CMIP: variants seen among roughly 807,000 people sequenced by gnomAD.
CMIP encodes the protein C-Maf-inducing protein.
Under a neutral mutation model 97.3 loss-of-function variants are expected in CMIP, and 13 were observed. The observed-to-expected ratio is 0.13, with a 90% CI of 0.09 to 0.21. The LOEUF is 0.21. Ranked by LOEUF, CMIP falls within the 10% of genes least tolerant of loss-of-function variation. CMIP has a pLI of 1.00. For missense variants in CMIP, 847 were observed against 1,024.9 expected, an observed-to-expected ratio of 0.83 and a Z score of 2.37; for synonymous variants, 538 against 436.3, an observed-to-expected ratio of 1.23 and a Z score of -2.91.
chr16:81,682,682 G>A (rs893631948), intron 10 of CMIP, among the ~76,000 whole-genome samples: 1 of 152,248 alleles, frequency 6.6e-6, no homozygotes, highest in Non-Finnish European at 1.5e-5. Context: ...AGAGGGCAGT[G>A]CAGGTCGCAG....
chr16:81,545,226 A>G (rs933238963), intron 1 of CMIP, among the ~76,000 whole-genome samples: 3 of 152,104 alleles, frequency 2.0e-5, no homozygotes, highest in East Asian at 3.9e-4. Flanking sequence ...CAGGCTGACC[A>G]CAGGTACTGT....
chr16:81,699,804 A>G lies in CMIP; in HGVS notation c.1755+3A>G, dbSNP rs1448946224. The G allele has an allele frequency of 6.2e-7, 1 of 1,601,414 alleles. No individual in the cohort carries two copies. On this transcript the variant is annotated splice_donor_region_variant and intron_variant, in intron 15 of 20. Transcript: ENST00000537098. ...GGGGGAACCAGACCATGGTGGAGGTAAGGAGCTGGTCGGGGTCCCTGGTGG... is the reference window on the plus strand; with the variant it reads ...GGGGGAACCAGACCATGGTGGAGGTGAGGAGCTGGTCGGGGTCCCTGGTGG...
At chr16:81,506,108 C>A (rs1202764985) in intron 1 of CMIP, among the ~76,000 whole-genome samples, 1 of 152,260 alleles carries the variant, frequency 6.6e-6, no homozygotes, top group Non-Finnish European at 1.5e-5. Context: ...CATCCTCCTG[C>A]AACCCTAACA....
At chr16:81,635,081 G>C (rs564900862) in intron 3 of CMIP, among the ~76,000 whole-genome samples, 2 of 152,324 alleles carry the variant, frequency 1.3e-5, no homozygotes, top group Non-Finnish European at 2.9e-5. Flanking sequence ...GGAAGAGCAG[G>C]CTCTGGTACA....
intron 16 of CMIP, 66 bp downstream of exon 16, chr16:81,701,866 C>T (rs942043935): frequency 1.9e-5 from 30 of 1,591,054 alleles, no homozygotes; most frequent in Middle Eastern, 1.7e-4. Flanking sequence ...GGGCGGGATG[C>T]GGGGCAGCTA....
At chr16:81,490,768 AGGGAGCCACCCT>A in intron 1 of CMIP, among the ~76,000 whole-genome samples, 1 of 152,160 alleles carries the variant, frequency 6.6e-6, no homozygotes, top group South Asian at 2.1e-4. Context: ...AGGGTGAAGG[AGGGAGCCACCCT>A]GGGGTGTCTG....
chr16:81,585,264 C>A (rs1194846848), intron 1 of CMIP, among the ~76,000 whole-genome samples: 1 of 152,242 alleles, frequency 6.6e-6, no homozygotes, highest in African/African-American at 2.4e-5. Flanking sequence ...ATTGTTTGAA[C>A]TCAGGAGTTG....
chr16:81,609,647 G>A (rs969812893), intron 2 of CMIP, among the ~76,000 whole-genome samples: 1 of 152,230 alleles, frequency 6.6e-6, no homozygotes, highest in South Asian at 2.1e-4. Flanking sequence ...TGGCCTGGGG[G>A]GCCAAAGCAG....
At chr16:81,565,119 G>A (rs1217640970) in intron 1 of CMIP, among the ~76,000 whole-genome samples, 5 of 152,124 alleles carry the variant, frequency 3.3e-5, no homozygotes, top group African/African-American at 7.2e-5. Flanking sequence ...GGGAGTGGGG[G>A]AATGGCATGG....
chr16:81,657,699 C>A, intron 4 of CMIP, 76 bp from the exon 5 acceptor site: 2 of 1,236,360 alleles, frequency 1.6e-6, no homozygotes, highest in Non-Finnish European at 2.3e-6. Flanking sequence ...AACTGTGGAT[C>A]TTGAAATCCA....
intron 3 of CMIP, chr16:81,645,678 C>G (rs2092356682): frequency 6.8e-7 from 1 of 1,472,126 alleles, no homozygotes; most frequent in Non-Finnish European, 9.2e-7. Flanking sequence ...AAGCAGGAGG[C>G]TCTGCCTGCT....
intron 14 of CMIP, 50 bp downstream of exon 14, chr16:81,696,717 C>T: frequency 2.0e-6 from 3 of 1,537,088 alleles, no homozygotes; most frequent in Non-Finnish European, 2.6e-6. Flanking sequence ...CCTGGGCTTG[C>T]CATGCCTGAC....
At position 81,445,218 on chromosome 16, in the gene CMIP, C is replaced by T; in HGVS notation, c.-24C>T. On this transcript the variant is annotated 5_prime_UTR_variant, in exon 1 of 21. Transcript: ENST00000537098. ...CCAGGACAGCCCCCTCTCCCCGCCCCCAGCCCCCTCCCCCGGCGCGGCCAT... is the reference window on the plus strand; with the variant it reads ...CCAGGACAGCCCCCTCTCCCCGCCCTCAGCCCCCTCCCCCGGCGCGGCCAT... 1 of 1,487,260 alleles carries T rather than the reference C, an allele frequency of 6.7e-7. No individual in the cohort carries two copies. The highest frequency in any genetic ancestry group is 8.9e-7 in the Non-Finnish European group (1 of 1,119,520). 92.1% of individuals were successfully genotyped at this position (1,487,260 alleles called of 1,614,324 possible). A position where few individuals can be genotyped will look rare whatever the true frequency, so the allele number is the denominator to read the frequency against.
intron 1 of CMIP, among the ~76,000 whole-genome samples, chr16:81,560,156 A>AG (rs1194979992): frequency 1.9e-4 from 25 of 134,586 alleles, no homozygotes; most frequent in South Asian, 9.9e-4. Context: ...TAAAAAAAAA[A>AG]AAAAAGAAAA....
chr16:81,493,568 T>A (rs1158319547), intron 1 of CMIP, among the ~76,000 whole-genome samples: 1 of 152,206 alleles, frequency 6.6e-6, no homozygotes, highest in Non-Finnish European at 1.5e-5. Flanking sequence ...GCAGCCAGCA[T>A]GGCGCAAGCC....
chr16:81,463,436 C>T (rs1196722381), intron 1 of CMIP, among the ~76,000 whole-genome samples: 1 of 152,206 alleles, frequency 6.6e-6, no homozygotes, highest in Non-Finnish European at 1.5e-5. Context: ...TGAACTTTCC[C>T]TTTTGTTTGC....
In CMIP at chr16:81,616,157, T is replaced by TG. The variant is rs2091915317; in HGVS notation, c.427-4719_427-4718insG. Reference sequence around the variant, plus strand: ...GTCATTAATTCATTCAGCTGTATTTTTTTTTTTTTTTTTTTAACACCAGGC... The same window carrying TG: ...GTCATTAATTCATTCAGCTGTATTTTGTTTTTTTTTTTTTTTAACACCAGGC... On this transcript the variant is annotated intron_variant, in intron 2 of 20. Transcript: ENST00000537098. This position sits in a 1 kb window ranked among gnomAD's most constrained non-coding sequence, Gnocchi z 4.7. Among the ~76,000 whole-genome samples the TG allele has an allele frequency of 1.3e-5, 2 of 148,324 alleles. No homozygotes were observed. The highest frequency in any genetic ancestry group is 3.0e-5 in the Non-Finnish European group (2 of 67,450).
chr16:81,646,230 G>C (rs2092362790), intron 3 of CMIP, among the ~76,000 whole-genome samples: 1 of 144,198 alleles, frequency 6.9e-6, no homozygotes, highest in Non-Finnish European at 1.5e-5. Flanking sequence ...ATTAATGGAT[G>C]GATGGGTGGG....
intron 9 of CMIP, among the ~76,000 whole-genome samples, chr16:81,677,959 C>G (rs1309292327): frequency 6.6e-6 from 1 of 152,240 alleles, no homozygotes; most frequent in Admixed American, 6.5e-5. Context: ...AGCCTTATGG[C>G]TGTCACGTGA....
Sources: gnomAD v4.1 joint callset for allele counts (sites outside exome capture counted in the v4.1 genomes callset) on GRCh38, gnomAD v4.1.1 for gene constraint, Gnocchi (gnomAD v3.1) non-coding constraint, MANE v1.5 for transcripts, NCBI Gene and HGNC (gene_info 2026-07-23, HGNC 2026-07-21) for gene names.